Variants in MLLT1 observed in about 807,000 individuals in gnomAD.
The protein encoded by MLLT1 is MLLT1 super elongation complex subunit.
MLLT1 carries 11 observed loss-of-function variants against 55.1 expected under a neutral mutation model. The ratio of observed to expected loss-of-function variants is 0.20; its 90% confidence interval spans 0.13 to 0.33. MLLT1 has a LOEUF of 0.33. Among genes scored for constraint, MLLT1 ranks in the 10% least tolerant of loss-of-function variants. The pLI is 1.00. For missense variants in MLLT1, 536 were observed against 760.6 expected, an observed-to-expected ratio of 0.70 and a Z score of 3.47; for synonymous variants, 323 against 320.1, an observed-to-expected ratio of 1.01 and a Z score of -0.10.
chr19:6,216,307 C>T, intron 8 of MLLT1, 98 bp downstream of exon 8: 1 of 896,220 alleles, frequency 1.1e-6, no homozygotes, highest in Non-Finnish European at 1.8e-6. Context: ...GGGGACCCTC[C>T]AGTCCCAACC....
intron 3 of MLLT1, among the ~76,000 whole-genome samples, chr19:6,248,080 G>A (rs998314015): frequency 3.9e-5 from 6 of 152,108 alleles, no homozygotes; most frequent in Non-Finnish European, 7.4e-5. Context: ...TAGCAGAGAC[G>A]GGGTGCCATG....
intron 3 of MLLT1, among the ~76,000 whole-genome samples, chr19:6,258,836 T>C (rs2091279929): frequency 6.6e-6 from 1 of 152,218 alleles, no homozygotes; most frequent in Non-Finnish European, 1.5e-5. Flanking sequence ...TTGGGCCCTC[T>C]GAGGTCTGAG....
Position 6,213,100 on chromosome 19 carries a change from G to C in MLLT1, c.1622C>G (p.Ser541Cys). The change falls in exon 12 of 12, where the codon TCC becomes TGC. Residue 541 changes from serine to cysteine, a missense_variant. Transcript: ENST00000252674. ...TNTTFDFDLF[S>C]LDETTVRKLQ... ...TTTGCGCACGGTGGTCTCGTCCAGG[G>C]AGAAGAGGTCGAAGTCGAAGGTGGT... The C allele has an allele frequency of 6.2e-7, 1 of 1,613,964 alleles. No homozygotes were observed. Among genetic ancestry groups the C allele is most frequent in the Non-Finnish European group, 8.5e-7 (1 of 1,179,880 alleles).
intron 2 of MLLT1, among the ~76,000 whole-genome samples, chr19:6,265,062 A>C (rs1280323297): frequency 3.6e-5 from 5 of 138,762 alleles, no homozygotes; most frequent in African/African-American, 1.4e-4. Flanking sequence ...AAAAACAAAA[A>C]AACAAAAAAA....
At chr19:6,260,631 G>A (rs1042467642) in intron 3 of MLLT1, among the ~76,000 whole-genome samples, 3 of 152,280 alleles carry the variant, frequency 2.0e-5, no homozygotes, top group Admixed American at 2.0e-4. Flanking sequence ...GATGCCACCA[G>A]TCCCCAGGTG....
rs966291971 is a variant in MLLT1 at position 6,262,143 on chromosome 19, C to T, written c.276+85G>A. The T allele has an allele frequency of 6.8e-5, 72 of 1,061,382 alleles. No homozygotes were observed. The highest frequency in any genetic ancestry group is 2.1e-4 in the Middle Eastern group (1 of 4,674). 65.7% of individuals were successfully genotyped at this position (1,061,382 alleles called of 1,614,324 possible). On this transcript the variant is annotated intron_variant, in intron 3 of 11. Coordinates refer to ENST00000252674, the MANE Select transcript of MLLT1 (RefSeq NM_005934.4). This position sits in a 1 kb window ranked among gnomAD's most constrained non-coding sequence, Gnocchi z 4.4. ...CTGTGCATGGGCAGCGGCCAGTTCT[C>T]TGGCCTGTTTTGTGAACTGCCGTGG... is the stretch of plus-strand genomic sequence containing the variant.
chr19:6,277,884 A>G (rs540548808), intron 1 of MLLT1, among the ~76,000 whole-genome samples: 4 of 152,188 alleles, frequency 2.6e-5, no homozygotes, highest in African/African-American at 9.6e-5. Context: ...TGTCCCTTCA[A>G]CGGAAATCAA....
At position 6,231,250 on chromosome 19, in the gene MLLT1, C is replaced by T. The variant is rs866328363; in HGVS notation, c.277-537G>A. Among the ~76,000 whole-genome samples the T allele has an allele frequency of 5.9e-5, 9 of 152,310 alleles. 1 individual carries two copies. The South Asian group carries it at 1.2e-3, about 21-fold the overall frequency. ...AGGAGGCTCTGTCCACTTTGGGTGC[C>T]GCCCCGCACCCTCGCCACCCCAGAA... On this transcript the variant is annotated intron_variant, in intron 3 of 11. Coordinates refer to ENST00000252674, the MANE Select transcript of MLLT1 (RefSeq NM_005934.4). This position sits in a 1 kb window ranked among gnomAD's most constrained non-coding sequence, Gnocchi z 5.1.
intron 1 of MLLT1, among the ~76,000 whole-genome samples, chr19:6,271,330 C>T (rs1399862337): frequency 2.0e-5 from 3 of 152,230 alleles, no homozygotes; most frequent in Non-Finnish European, 2.9e-5. Context: ...CGCATCACAG[C>T]GCCTCCCGGA....
chr19:6,252,411 G>A (rs534577865), intron 3 of MLLT1, among the ~76,000 whole-genome samples: 13 of 152,264 alleles, frequency 8.5e-5, no homozygotes, highest in East Asian at 3.9e-4. Flanking sequence ...GTTCCCTCTC[G>A]TATCTGGGTA....
chr19:6,255,437 G>A (rs540620962), intron 3 of MLLT1, among the ~76,000 whole-genome samples: 27 of 152,172 alleles, frequency 1.8e-4, no homozygotes, highest in Admixed American at 8.5e-4. Context: ...AGGTTGCAGT[G>A]AGCCAAGATC....
At chr19:6,215,088 C>T (rs1041762971) in intron 8 of MLLT1, among the ~76,000 whole-genome samples, 3 of 152,134 alleles carry the variant, frequency 2.0e-5, no homozygotes, top group Admixed American at 6.5e-5. Context: ...GGCTGGGCAC[C>T]GCTGCAGACT....
At chr19:6,224,943 A>G (rs1258041442) in intron 5 of MLLT1, among the ~76,000 whole-genome samples, 2 of 152,170 alleles carry the variant, frequency 1.3e-5, no homozygotes, top group Admixed American at 1.3e-4. Flanking sequence ...GTTAGCCAGG[A>G]TGGTCTCCAT....
chr19:6,266,700 G>A (rs1054162011), intron 2 of MLLT1, among the ~76,000 whole-genome samples: 1 of 152,054 alleles, frequency 6.6e-6, no homozygotes, highest in Non-Finnish European at 1.5e-5. Context: ...CAGGTGATCC[G>A]CCTGCCTCAG....
chr19:6,275,312 G>A (rs1374629871), intron 1 of MLLT1, among the ~76,000 whole-genome samples: 1 of 152,216 alleles, frequency 6.6e-6, no homozygotes, highest in South Asian at 2.1e-4. Flanking sequence ...ACACTGAGGA[G>A]TCGTTTCCCC....
rs1483480456 is a variant in MLLT1 at position 6,229,686 on chromosome 19, G to T, written c.420+884C>A. Among the ~76,000 whole-genome samples the T allele has an allele frequency of 6.7e-6, 1 of 148,390 alleles. No individual in the cohort carries two copies. The highest frequency in any genetic ancestry group is 1.5e-5 in the Non-Finnish European group (1 of 66,994). ...TACATACCACACAACACACACACAC[G>T]CCCCACACCCGTGACACCACACACC... On this transcript the variant is annotated intron_variant, in intron 4 of 11. Coordinates refer to ENST00000252674, the MANE Select transcript of MLLT1 (RefSeq NM_005934.4). This position sits in a 1 kb window ranked among gnomAD's most constrained non-coding sequence, Gnocchi z 5.2.
chr19:6,270,474 T>A lies in MLLT1; in HGVS notation c.193+105A>T. The A allele has an allele frequency of 8.0e-7, 1 of 1,251,714 alleles. No homozygotes were observed. Among genetic ancestry groups the A allele is most frequent in the Non-Finnish European group, 1.1e-6 (1 of 913,956 alleles). The allele number at this position is 1,251,714 out of a possible 1,614,324, so 77.5% of individuals were successfully genotyped here. On this transcript the variant is annotated intron_variant, in intron 2 of 11. Coordinates refer to ENST00000252674, the MANE Select transcript of MLLT1 (RefSeq NM_005934.4). This position sits in a 1 kb window ranked among gnomAD's most constrained non-coding sequence, Gnocchi z 7.1. ...AGGGACGCAAGCTGGAACCTCATGG[T>A]TGGAGGGGTCCTGCTGCTCCTGAGG...
At chr19:6,249,144 C>T (rs2091194172) in intron 3 of MLLT1, among the ~76,000 whole-genome samples, 1 of 151,964 alleles carries the variant, frequency 6.6e-6, no homozygotes, top group South Asian at 2.1e-4. Context: ...ATTTCAAAGA[C>T]TTGGTATGAA....
In MLLT1 at chr19:6,211,943, G is replaced by A; in HGVS notation, c.*1099C>T. On this transcript the variant is annotated 3_prime_UTR_variant, in exon 12 of 12. Transcript: ENST00000252674. This position sits in a 1 kb window ranked among gnomAD's most constrained non-coding sequence, Gnocchi z 4.6. ...CCAGAGAGAAAGGCAGCCTGGGAGG[G>A]CCAGCCCGGCCAACCCACCGGGCCT... The A allele has an allele frequency of 3.8e-6, 4 of 1,065,382 alleles. No homozygotes were observed. In the South Asian group the frequency reaches 1.8e-4, roughly 48 times the overall value. 66.0% of individuals were successfully genotyped at this position (1,065,382 alleles called of 1,614,324 possible).
Sources: allele counts gnomAD v4.1 joint callset (sites outside exome capture counted in the v4.1 genomes callset), GRCh38; gene constraint gnomAD v4.1.1; non-coding constraint Gnocchi (gnomAD v3.1); transcripts MANE v1.5; gene names NCBI Gene and HGNC (gene_info 2026-07-23, HGNC 2026-07-21).